The following GPR176 variants were observed in gnomAD, a reference collection of about 807,000 sequenced individuals.
GPR176 encodes G protein-coupled receptor 176, also known as G-protein coupled receptor 176.
In GPR176, 26 loss-of-function variants were observed where a neutral mutation model predicts 35.4. The ratio of observed to expected loss-of-function variants is 0.74; its 90% CI spans 0.54 to 1.02. GPR176 has a LOEUF of 1.02. Among genes scored for constraint, GPR176 ranks in the 50% least tolerant of loss-of-function variants. The pLI is 0.00. For missense variants in GPR176, 597 were observed against 665.3 expected (o/e 0.90, Z 1.13); for synonymous variants, 278 against 271.3 (o/e 1.02, Z -0.24).
intron 1 of GPR176, among the ~76,000 whole-genome samples, chr15:39,847,301 T>C (rs2030499782): frequency 6.6e-6 from 1 of 152,106 alleles, no homozygotes; most frequent in Admixed American, 6.6e-5. Context: ...ATGCAAATGG[T>C]CCAAATACAG....
chr15:39,808,236 C>T (rs1202146392), intron 1 of GPR176, among the ~76,000 whole-genome samples: 1 of 152,102 alleles, frequency 6.6e-6, no homozygotes, highest in Non-Finnish European at 1.5e-5. Flanking sequence ...ATCCTTTTTC[C>T]AGATAAACTT....
chr15:39,838,394 A>C lies in GPR176; in HGVS notation c.173-31136T>G, dbSNP rs534069675. On this transcript the variant is annotated intron_variant, in intron 1 of 2. Transcript: ENST00000561100. ...TAAAAGAAGAAAAAATAAGATTTTC[A>C]AAGTTTTAAATTCTAAGATGACTTA... is the stretch of plus-strand genomic sequence containing the variant. 3.8e-3 allele frequency among the ~76,000 whole-genome samples: 581 copies of C among 152,330 alleles called. 3 individuals are homozygous for C. Among genetic ancestry groups the C allele is most frequent in the Non-Finnish European group, 6.1e-3 (415 of 68,014 alleles).
chr15:39,859,994 A>T (rs201058406), intron 1 of GPR176, among the ~76,000 whole-genome samples: 1 of 11,764 alleles, frequency 8.5e-5, no homozygotes, highest in Non-Finnish European at 1.4e-4. Flanking sequence ...GGCTTAAATC[A>T]AAAAAAAAAA....
At chr15:39,917,574 G>C (rs906862730) in intron 1 of GPR176, among the ~76,000 whole-genome samples, 6 of 151,778 alleles carry the variant, frequency 4.0e-5, no homozygotes, top group African/African-American at 1.5e-4. Flanking sequence ...GATCTCAAGC[G>C]ATCTGCCCAC....
chr15:39,839,050 G>A lies in GPR176; in HGVS notation c.173-31792C>T, dbSNP rs1165082644. On this transcript the variant is annotated intron_variant, in intron 1 of 2. Transcript: ENST00000561100. Reference sequence around the variant, plus strand: ...GTGAAGAATCAATATTGTGAAAACGGCCATACTGCCCAAGGTAATTTATAG... The same window carrying A: ...GTGAAGAATCAATATTGTGAAAACGACCATACTGCCCAAGGTAATTTATAG... Among the ~76,000 whole-genome samples the A allele has an allele frequency of 2.6e-5, 4 of 152,092 alleles. No homozygotes were observed. In the East Asian group the frequency reaches 7.7e-4, roughly 29 times the overall value.
At chr15:39,866,124 T>C (rs1595493049) in intron 1 of GPR176, among the ~76,000 whole-genome samples, 1 of 152,232 alleles carries the variant, frequency 6.6e-6, no homozygotes, top group East Asian at 1.9e-4. Context: ...TGCTATTTTT[T>C]GTATAAGAAA....
chr15:39,859,411 C>T (rs559652413), intron 1 of GPR176, among the ~76,000 whole-genome samples: 1 of 151,476 alleles, frequency 6.6e-6, no homozygotes, highest in South Asian at 2.1e-4. Flanking sequence ...AAAAAGATGT[C>T]CAACACCACT....
At chr15:39,910,466 G>T (rs796649439) in intron 1 of GPR176, among the ~76,000 whole-genome samples, 20 of 151,896 alleles carry the variant, frequency 1.3e-4, no homozygotes, top group African/African-American at 4.6e-4. Context: ...GCTGAGGCAG[G>T]AGAATCACTT....
chr15:39,887,848 A>G (rs538888050), intron 1 of GPR176, among the ~76,000 whole-genome samples: 1 of 152,342 alleles, frequency 6.6e-6, no homozygotes, highest in African/African-American at 2.4e-5. Context: ...CCACTTTGGC[A>G]TAAGGATTAT....
chr15:39,812,265 A>G (rs1899618075), intron 1 of GPR176, among the ~76,000 whole-genome samples: 1 of 152,200 alleles, frequency 6.6e-6, no homozygotes, highest in South Asian at 2.1e-4. Flanking sequence ...CATTTGAGTC[A>G]GTGGACTGGG....
At chr15:39,889,433 G>T (rs1282991443) in intron 1 of GPR176, among the ~76,000 whole-genome samples, 1 of 151,946 alleles carries the variant, frequency 6.6e-6, no homozygotes, top group African/African-American at 2.4e-5. Context: ...TGTAATCCCA[G>T]CTACTTGGGG....
chr15:39,806,931 C>T (rs1899227933), intron 2 of GPR176, 75 bp downstream of exon 2: 1 of 1,363,752 alleles, frequency 7.3e-7, no homozygotes, highest in African/African-American at 1.4e-5. Flanking sequence ...ATTGACTACT[C>T]ATCATTTGCT....
At chr15:39,907,749 AT>A (rs963312657) in intron 1 of GPR176, among the ~76,000 whole-genome samples, 3 of 152,018 alleles carry the variant, frequency 2.0e-5, no homozygotes, top group Non-Finnish European at 4.4e-5. Context: ...ACACAGCTAG[AT>A]TTTTTTTCTT....
At chr15:39,806,411 T>C (rs72729413) in intron 2 of GPR176, among the ~76,000 whole-genome samples, 3 of 152,314 alleles carry the variant, frequency 2.0e-5, no homozygotes, top group Admixed American at 6.5e-5. Flanking sequence ...TTTGATAAAA[T>C]TGATAAAATT....
chr15:39,905,447 CAAAAAAAAA>C (rs35302123), intron 1 of GPR176, among the ~76,000 whole-genome samples: 1 of 91,116 alleles, frequency 1.1e-5, no homozygotes, highest in Non-Finnish European at 2.4e-5. Flanking sequence ...CTCGTCTCTA[CAAAAAAAAA>C]AAAAAAAAAA....
At chr15:39,821,724 T>C (rs182793617) in intron 1 of GPR176, among the ~76,000 whole-genome samples, 4 of 152,356 alleles carry the variant, frequency 2.6e-5, no homozygotes, top group Non-Finnish European at 5.9e-5. Flanking sequence ...GGAAAAGTTA[T>C]CTACACCTTC....
intron 1 of GPR176, among the ~76,000 whole-genome samples, chr15:39,816,214 C>T (rs1052921694): frequency 2.0e-5 from 3 of 152,084 alleles, no homozygotes; most frequent in Admixed American, 6.5e-5. Context: ...GTCTACTGTA[C>T]AATATGGTGA....
At chr15:39,914,797 A>G (rs1413699966) in intron 1 of GPR176, among the ~76,000 whole-genome samples, 1 of 152,250 alleles carries the variant, frequency 6.6e-6, no homozygotes, top group Non-Finnish European at 1.5e-5. Flanking sequence ...ATCTTCTATC[A>G]AACATTTAAC....
chr15:39,851,854 C>T (rs1340127966), intron 1 of GPR176, among the ~76,000 whole-genome samples: 4 of 152,134 alleles, frequency 2.6e-5, no homozygotes, highest in Non-Finnish European at 5.9e-5. Flanking sequence ...GTTTATATAA[C>T]GTCATAGTGA....
Sources: allele counts gnomAD v4.1 joint callset (sites outside exome capture counted in the v4.1 genomes callset), GRCh38; gene constraint gnomAD v4.1.1; transcripts MANE v1.5; gene names NCBI Gene and HGNC (gene_info 2026-07-23, HGNC 2026-07-21).